The following BICD1 variants were observed in gnomAD, a reference collection of about 807,000 sequenced individuals.
BICD1 encodes protein bicaudal D homolog 1.
Under a neutral mutation model 92.5 loss-of-function variants are expected in BICD1, and 35 were observed. The ratio of observed to expected loss-of-function variants is 0.38; its 90% CI spans 0.29 to 0.50. The LOEUF (loss-of-function observed/expected upper bound fraction) is 0.50. Ranked by LOEUF, BICD1 falls within the 20% of genes least tolerant of loss-of-function variation. The probability of loss-of-function intolerance (pLI) is 0.93; values close to 1 mark genes in which losing one functional copy is unlikely to be tolerated. For missense variants in BICD1, 950 were observed against 1,189.8 expected (o/e 0.80, Z 2.97); for synonymous variants, 429 against 465.1 (o/e 0.92, Z 1.00).
intron 1 of BICD1, among the ~76,000 whole-genome samples, chr12:32,207,067 G>A (rs1366685774): frequency 1.1e-4 from 16 of 152,210 alleles, no homozygotes; most frequent in Non-Finnish European, 2.2e-4. Context: ...TACTTGGGGA[G>A]TGGCCGAAGG....
intron 8 of BICD1, chr12:32,340,578 G>T: frequency 1.2e-6 from 1 of 832,736 alleles, no homozygotes; most frequent in Non-Finnish European, 1.4e-6. Flanking sequence ...TCTCAATAAG[G>T]TTAAAAATTA....
At chr12:32,374,929 TTTTTTTTG>T (rs1939881898) in intron 9 of BICD1, among the ~76,000 whole-genome samples, 1 of 117,804 alleles carries the variant, frequency 8.5e-6, no homozygotes, top group Admixed American at 8.5e-5. Flanking sequence ...TTTTTTTTTT[TTTTTTTTG>T]AGACGGAGTC....
chr12:32,162,690 T>A (rs1247807223), intron 1 of BICD1, among the ~76,000 whole-genome samples: 1 of 152,184 alleles, frequency 6.6e-6, no homozygotes, highest in Non-Finnish European at 1.5e-5. Context: ...TAATTAAAAA[T>A]TAAAATTTGA....
chr12:32,156,415 G>A (rs956386072), intron 1 of BICD1, among the ~76,000 whole-genome samples: 5 of 152,144 alleles, frequency 3.3e-5, no homozygotes, highest in African/African-American at 1.2e-4. Flanking sequence ...TTAATAAAGA[G>A]ATATAGCCGA....
chr12:32,272,062 A>G (rs1947154857), intron 2 of BICD1, among the ~76,000 whole-genome samples: 1 of 152,182 alleles, frequency 6.6e-6, no homozygotes, highest in African/African-American at 2.4e-5. Context: ...TACTTATGCC[A>G]TATTTAATTC....
intron 2 of BICD1, among the ~76,000 whole-genome samples, chr12:32,271,111 G>A (rs1389474973): frequency 6.6e-6 from 1 of 152,188 alleles, no homozygotes; most frequent in Non-Finnish European, 1.5e-5. Context: ...CAGACTTGGA[G>A]CCCCTATGTG....
intron 1 of BICD1, among the ~76,000 whole-genome samples, chr12:32,170,806 TG>T (rs953215349): frequency 1.3e-5 from 2 of 151,952 alleles, no homozygotes; most frequent in Non-Finnish European, 2.9e-5. Flanking sequence ...ACAACTGAGG[TG>T]GGTGCTACTG....
At chr12:32,255,678 C>G (rs549369607) in intron 2 of BICD1, among the ~76,000 whole-genome samples, 1 of 152,198 alleles carries the variant, frequency 6.6e-6, no homozygotes, top group Non-Finnish European at 1.5e-5. Context: ...TGCTTTCTCC[C>G]TTAGGGCCTT....
chr12:32,183,170 G>T (rs1186987665), intron 1 of BICD1, among the ~76,000 whole-genome samples: 1 of 151,346 alleles, frequency 6.6e-6, no homozygotes, highest in East Asian at 1.9e-4. Flanking sequence ...CAAATCCTGG[G>T]ATTACAGGGG....
At chr12:32,157,949 C>G (rs1245322245) in intron 1 of BICD1, among the ~76,000 whole-genome samples, 1 of 152,004 alleles carries the variant, frequency 6.6e-6, no homozygotes, top group Non-Finnish European at 1.5e-5. Flanking sequence ...TTTTCTGTGG[C>G]TCAGGTTCCA....
chr12:32,201,514 G>C (rs1565583453), intron 1 of BICD1, among the ~76,000 whole-genome samples: 1 of 151,944 alleles, frequency 6.6e-6, no homozygotes, highest in Non-Finnish European at 1.5e-5. Context: ...GGAAAATTAG[G>C]GGGGAAATTA....
intron 1 of BICD1, among the ~76,000 whole-genome samples, chr12:32,127,145 A>C (rs1368115715): frequency 6.6e-6 from 1 of 152,134 alleles, no homozygotes; most frequent in Non-Finnish European, 1.5e-5. Flanking sequence ...GAAGAAGAGA[A>C]GTTTATAATT....
At chr12:32,283,144 TAGGAAG>T (rs4001810) in intron 2 of BICD1, among the ~76,000 whole-genome samples, 102,341 of 150,996 alleles carry the variant, frequency 0.68, 34,818 homozygotes, top group Middle Eastern at 0.77. Flanking sequence ...GGACTGACTG[TAGGAAG>T]AGGAAGAGAG....
chr12:32,312,107 T>A (rs1023707470), intron 4 of BICD1, among the ~76,000 whole-genome samples: 2 of 152,186 alleles, frequency 1.3e-5, no homozygotes, highest in East Asian at 3.8e-4. Flanking sequence ...GTTGAGTGAA[T>A]TGTTTTGCTT....
intron 2 of BICD1, among the ~76,000 whole-genome samples, chr12:32,221,961 A>C (rs11051858): frequency 0.21 from 32,597 of 152,070 alleles, 3,872 homozygotes; most frequent in African/African-American, 0.31. Flanking sequence ...TGTAGGTATA[A>C]TATACTAGAA....
intron 2 of BICD1, among the ~76,000 whole-genome samples, chr12:32,268,363 C>T (rs989341980): frequency 3.9e-5 from 6 of 151,934 alleles, no homozygotes; most frequent in Non-Finnish European, 5.9e-5. Flanking sequence ...CAACTTCTCT[C>T]GGAGAAAACA....
chr12:32,314,253 G>A lies in BICD1; in HGVS notation c.1005+8131G>A, dbSNP rs149171744. Among the ~76,000 whole-genome samples the A allele has an allele frequency of 8.4e-3, 1,276 of 152,194 alleles. 12 individuals are homozygous for A. The highest frequency in any genetic ancestry group is 0.028 in the African/African-American group (1,149 of 41,498). On this transcript the variant is annotated intron_variant, in intron 4 of 9. Transcript: ENST00000652176. ...TGAACATTTGTGTACAAGTTTTCGT[G>A]TGCACGTATGTTTTAATTCCCGGGG...
intron 1 of BICD1, among the ~76,000 whole-genome samples, chr12:32,119,610 G>A (rs1165242506): frequency 2.6e-5 from 4 of 152,196 alleles, no homozygotes; most frequent in African/African-American, 9.6e-5. Context: ...AGTGGCTCAT[G>A]CCTGTAATGC....
intron 1 of BICD1, among the ~76,000 whole-genome samples, chr12:32,163,779 G>C (rs1943669470): frequency 6.6e-6 from 1 of 152,034 alleles, no homozygotes; most frequent in African/African-American, 2.4e-5. Flanking sequence ...TGTTGAGTTA[G>C]AATCATGAGA....
Sources: gnomAD v4.1 joint callset for allele counts (sites outside exome capture counted in the v4.1 genomes callset) on GRCh38, gnomAD v4.1.1 for gene constraint, MANE v1.5 for transcripts, NCBI Gene and HGNC (gene_info 2026-07-23, HGNC 2026-07-21) for gene names.